PAX5: variants seen among roughly 807,000 people sequenced by gnomAD.
The protein encoded by PAX5 is paired box protein Pax-5.
PAX5 carries 9 observed loss-of-function variants against 43.7 expected under a neutral mutation model. The ratio of observed to expected loss-of-function variants is 0.21; its 90% confidence interval spans 0.12 to 0.36. The LOEUF (loss-of-function observed/expected upper bound fraction) is 0.36. PAX5 is among the 10% of genes least tolerant of loss of function. The probability of loss-of-function intolerance (pLI) is 1.00; values close to 1 mark genes in which losing one functional copy is unlikely to be tolerated. For synonymous variants in PAX5, 228 were observed against 214.3 expected (o/e 1.06, Z -0.56); for missense variants, 383 against 532.7 (o/e 0.72, Z 2.77).
At chr9:36,900,601 T>C (rs906968869) in intron 7 of PAX5, among the ~76,000 whole-genome samples, 1 of 151,298 alleles carries the variant, frequency 6.6e-6, no homozygotes, top group Non-Finnish European at 1.5e-5. Context: ...GTGGCGGGAG[T>C]GTCAATCACC....
Position 36,848,350 on chromosome 9 carries a change from C to CCA in PAX5, c.1013-1423_1013-1422dup, listed in dbSNP as rs55793420. On this transcript the variant is annotated intron_variant, in intron 8 of 9. Transcript: ENST00000358127. The stretch of plus-strand genomic sequence containing the variant: ...CCTCACAACCACAGGCAGAGCGTGT[C>CCA]CACACACACACACACACACACACAC... Among the ~76,000 whole-genome samples the CCA allele has an allele frequency of 1.0e-3, 141 of 136,460 alleles. 3 individuals are homozygous for CCA. Among genetic ancestry groups the CCA allele is most frequent in the Middle Eastern group, 3.5e-3 (1 of 282 alleles). 89.5% of individuals were successfully genotyped at this position (136,460 alleles called of 152,430 possible).
At chr9:36,913,839 G>C (rs916880628) in intron 7 of PAX5, among the ~76,000 whole-genome samples, 3 of 152,116 alleles carry the variant, frequency 2.0e-5, no homozygotes, top group Non-Finnish European at 2.9e-5. Flanking sequence ...ACAGCACTCT[G>C]GGCTTTGTGG....
intron 8 of PAX5, chr9:36,860,893 GA>G (rs1396352155): frequency 6.6e-6 from 1 of 152,304 alleles, no homozygotes; most frequent in African/African-American, 2.4e-5. Flanking sequence ...GGCTGGACCA[GA>G]AGGCAGGAGC....
At chr9:36,951,203 T>C (rs1251334352) in intron 6 of PAX5, among the ~76,000 whole-genome samples, 1 of 152,216 alleles carries the variant, frequency 6.6e-6, no homozygotes, top group Non-Finnish European at 1.5e-5. Flanking sequence ...AAGTATTCTC[T>C]AATTGTTGTC....
At chr9:36,931,877 A>G (rs1831161413) in intron 6 of PAX5, among the ~76,000 whole-genome samples, 1 of 151,584 alleles carries the variant, frequency 6.6e-6, no homozygotes, top group African/African-American at 2.4e-5. Flanking sequence ...AAATCATAAC[A>G]TATAATGAGA....
intron 3 of PAX5, among the ~76,000 whole-genome samples, chr9:37,013,519 T>C (rs946272089): frequency 6.6e-6 from 1 of 152,158 alleles, no homozygotes; most frequent in Non-Finnish European, 1.5e-5. Context: ...GTCATGTTGT[T>C]TTGTGTCGTG....
intron 1 of PAX5, among the ~76,000 whole-genome samples, chr9:37,029,805 C>T (rs1028999362): frequency 1.3e-5 from 2 of 152,308 alleles, no homozygotes; most frequent in Admixed American, 6.5e-5. Context: ...GCTAAAAGGG[C>T]CTCGAAGCTA....
At chr9:36,846,762 C>T (rs1031579351) in intron 9 of PAX5, 81 bp downstream of exon 9, 13 of 976,822 alleles carry the variant, frequency 1.3e-5, no homozygotes, top group Admixed American at 6.0e-5. Flanking sequence ...CTCAGGATGT[C>T]GAGGGACCCA....
intron 1 of PAX5, among the ~76,000 whole-genome samples, chr9:37,023,084 G>A (rs1394188085): frequency 1.3e-5 from 2 of 152,172 alleles, no homozygotes; most frequent in Non-Finnish European, 2.9e-5. Context: ...GAAAAAAGAG[G>A]TGTGTTAAGA....
rs1249347322 is a variant in PAX5 at position 36,956,099 on chromosome 9, G to A, written c.780+10450C>T. On this transcript the variant is annotated intron_variant, in intron 6 of 9. Coordinates refer to ENST00000358127, the MANE Select transcript of PAX5 (RefSeq NM_016734.3). ...TTGCAAATATTGGATAGCCTTGTTT[G>A]AGGGGAAATATCTCTACTCAAAAGT... Among the ~76,000 whole-genome samples, 3 of 152,126 alleles carry A rather than the reference G, an allele frequency of 2.0e-5. No homozygotes were observed. The East Asian group carries it at 5.8e-4, about 29-fold the overall frequency.
At chr9:37,027,728 C>T (rs1463924569) in intron 1 of PAX5, among the ~76,000 whole-genome samples, 1 of 152,252 alleles carries the variant, frequency 6.6e-6, no homozygotes, top group Non-Finnish European at 1.5e-5. Context: ...GCTCAGCTCC[C>T]TCCGGGCGGG....
At chr9:36,965,555 C>T (rs533687964) in intron 6 of PAX5, among the ~76,000 whole-genome samples, 2 of 152,376 alleles carry the variant, frequency 1.3e-5, no homozygotes, top group African/African-American at 4.8e-5. Context: ...TTCTCTCCAG[C>T]ACCTCGCCTC....
At chr9:37,030,728 A>G (rs747831283) in intron 1 of PAX5, among the ~76,000 whole-genome samples, 1 of 152,212 alleles carries the variant, frequency 6.6e-6, no homozygotes. Context: ...TTCACTGGGG[A>G]CACACCCCCT....
intron 6 of PAX5, among the ~76,000 whole-genome samples, chr9:36,953,013 C>T (rs1439452332): frequency 6.6e-6 from 1 of 152,184 alleles, no homozygotes; most frequent in Non-Finnish European, 1.5e-5. Context: ...TTTAACATTT[C>T]TTCTAGACCA....
intron 1 of PAX5, 86 bp downstream of exon 1, chr9:37,033,900 T>G: frequency 8.1e-7 from 1 of 1,235,540 alleles, no homozygotes; most frequent in South Asian, 1.3e-5. Context: ...GCGCGCCCCC[T>G]CCTCCTCCAG....
At chr9:36,965,250 C>T (rs1188562411) in intron 6 of PAX5, among the ~76,000 whole-genome samples, 1 of 152,230 alleles carries the variant, frequency 6.6e-6, no homozygotes. Flanking sequence ...TATTGGGATT[C>T]TTCCACAAGT....
chr9:36,862,317 G>T lies in PAX5; in HGVS notation c.1013-15388C>A, dbSNP rs117601728. 1.7e-4 allele frequency among the ~76,000 whole-genome samples: 26 copies of T among 152,256 alleles called. No individual in the cohort carries two copies. In the South Asian group the frequency reaches 3.7e-3, roughly 22 times the overall value. On this transcript the variant is annotated intron_variant, in intron 8 of 9. Transcript: ENST00000358127. Reference sequence around the variant, plus strand: ...GGAATGCAGGAGGACGATGCATCCCGATTCTCCACAAGGGGGAGCCTGGTC... The same window carrying T: ...GGAATGCAGGAGGACGATGCATCCCTATTCTCCACAAGGGGGAGCCTGGTC...
chr9:36,926,802 T>G (rs1053501745), intron 6 of PAX5, among the ~76,000 whole-genome samples: 1 of 152,120 alleles, frequency 6.6e-6, no homozygotes. Context: ...GTGTGCAACA[T>G]GATGTGTGAA....
At chr9:37,012,144 G>A (rs1220955079) in intron 3 of PAX5, among the ~76,000 whole-genome samples, 1 of 152,156 alleles carries the variant, frequency 6.6e-6, no homozygotes, top group Non-Finnish European at 1.5e-5. Flanking sequence ...GAAGGCTAAG[G>A]ATGAGAGAGG....
Sources: allele counts gnomAD v4.1 joint callset (sites outside exome capture counted in the v4.1 genomes callset), GRCh38; gene constraint gnomAD v4.1.1; transcripts MANE v1.5; gene names NCBI Gene and HGNC (gene_info 2026-07-23, HGNC 2026-07-21).